Variants in MMRN2 observed in about 807,000 individuals in gnomAD.
MMRN2 encodes the protein multimerin 2.
Under a neutral mutation model 68.8 loss-of-function variants are expected in MMRN2, and 53 were observed. The observed-to-expected ratio is 0.77, with a 90% CI of 0.62 to 0.97. MMRN2 has a LOEUF of 0.97. MMRN2 is among the 50% of genes least tolerant of loss of function. The pLI is 0.00. For missense variants in MMRN2, 1,266 were observed against 1,259.5 expected (o/e 1.01, Z -0.08); for synonymous variants, 564 against 551.6 (o/e 1.02, Z -0.32).
intron 1 of MMRN2, among the ~76,000 whole-genome samples, chr10:86,951,304 G>A (rs1052243814): frequency 2.6e-5 from 4 of 152,218 alleles, no homozygotes; most frequent in Non-Finnish European, 4.4e-5. Context: ...AAGGGTACAG[G>A]TAGTAAATAT....
Position 86,942,554 on chromosome 10 carries a change from A to G in MMRN2, c.2230T>C (p.Leu744=). 6.2e-7 allele frequency: 1 copy of G among 1,613,266 alleles called. No individual in the cohort carries two copies. Among genetic ancestry groups the G allele is most frequent in the Non-Finnish European group, 8.5e-7 (1 of 1,179,922 alleles). ...TGGAAGAGCCGCTGGTGCTGCTCCAAGCTGCGCTGAGTGGCGAAGAGTGCG... is the reference window on the plus strand; with the variant it reads ...TGGAAGAGCCGCTGGTGCTGCTCCAGGCTGCGCTGAGTGGCGAAGAGTGCG... ...HNALFATQRS[L]EQHQRLFHSL... The change falls in exon 6 of 7, where the codon TTG becomes CTG. Residue 744 remains leucine (L), a synonymous_variant. Coordinates refer to ENST00000372027, the MANE Select transcript of MMRN2 (RefSeq NM_024756.3).
At chr10:86,956,282 C>G (rs1030780276) in intron 1 of MMRN2, among the ~76,000 whole-genome samples, 1 of 152,130 alleles carries the variant, frequency 6.6e-6, no homozygotes. Flanking sequence ...TGCCACCAGA[C>G]CCTCACTAAG....
chr10:86,942,732 C>A lies in MMRN2; in HGVS notation c.2052G>T (p.Ala684=). The A allele has an allele frequency of 7.0e-7, 1 of 1,424,570 alleles. No individual in the cohort carries two copies. Among genetic ancestry groups the A allele is most frequent in the Non-Finnish European group, 9.1e-7 (1 of 1,097,450 alleles). The allele number at this position is 1,424,570 out of a possible 1,614,324, so 88.2% of individuals were successfully genotyped here. Residue 684 remains alanine (A), a synonymous_variant, in exon 6 of 7, where the codon GCG becomes GCT. Coordinates refer to ENST00000372027, the MANE Select transcript of MMRN2 (RefSeq NM_024756.3). The stretch of plus-strand genomic sequence containing the variant: ...CGGTGGTGGCGGCCTCCTCGCGGCC[C>A]GCGTCGTGGCTGGGCTCCAGGTGCT... ...PAEHLEPSHD[A]GREEAATTAL... is the part of the protein sequence containing the mutation.
At chr10:86,953,329 A>G (rs1844169123) in intron 1 of MMRN2, among the ~76,000 whole-genome samples, 1 of 152,222 alleles carries the variant, frequency 6.6e-6, no homozygotes, top group African/African-American at 2.4e-5. Context: ...TATTAAAATG[A>G]AATCTTCACA....
At chr10:86,937,174 G>A (rs750584615) in intron 6 of MMRN2, 49 bp from the exon 7 acceptor site, 2 of 1,588,232 alleles carry the variant, frequency 1.3e-6, no homozygotes, top group Non-Finnish European at 1.7e-6. Context: ...TACACCATTG[G>A]GTGGGAAATT....
intron 6 of MMRN2, among the ~76,000 whole-genome samples, chr10:86,939,805 G>A (rs1843937535): frequency 1.0e-5 from 1 of 99,936 alleles, no homozygotes; most frequent in African/African-American, 4.3e-5. Flanking sequence ...GGGAAATTTG[G>A]GGTGTGTGTG....
chr10:86,939,676 C>CA (rs1491187837), intron 6 of MMRN2, among the ~76,000 whole-genome samples: 2 of 146,802 alleles, frequency 1.4e-5, no homozygotes, highest in Admixed American at 6.7e-5. Flanking sequence ...GAGACCCCCA[C>CA]CCCAACCCAG....
In MMRN2 at chr10:86,943,740, C is replaced by T. The variant is rs940121935; in HGVS notation, c.1044G>A (p.Gly348=). ...KRLHKAQEAP[G]TNGSLVLATP... ...TTGCCAACACCAGACTGCCATTGGTCCCTGGGGCCTCCTGAGCCTTGTGCA... is the reference window on the plus strand; with the variant it reads ...TTGCCAACACCAGACTGCCATTGGTTCCTGGGGCCTCCTGAGCCTTGTGCA... Residue 348 remains glycine, a synonymous_variant, in exon 6 of 7, where the codon GGG becomes GGA. Transcript: ENST00000372027. This position sits in a 1 kb window ranked among gnomAD's most constrained non-coding sequence, Gnocchi z 4.2. 1 of 1,608,348 alleles carries T rather than the reference C, an allele frequency of 6.2e-7. No homozygotes were observed. The highest frequency in any genetic ancestry group is 1.3e-5 in the African/African-American group (1 of 74,942).
intron 1 of MMRN2, chr10:86,949,550 A>C (rs1272739069): frequency 1.3e-5 from 2 of 151,594 alleles, no homozygotes; most frequent in Non-Finnish European, 2.9e-5. Context: ...AAAGACACCC[A>C]AAAACAAAAC....
intron 4 of MMRN2, 34 bp downstream of exon 4, chr10:86,945,154 C>T: frequency 1.2e-6 from 2 of 1,600,810 alleles, no homozygotes; most frequent in African/African-American, 1.3e-5. Flanking sequence ...GCCCCACCAG[C>T]CTGCCTGCCT....
chr10:86,945,692 G>A lies in MMRN2; in HGVS notation c.165-3C>T, dbSNP rs774095009. The A allele has an allele frequency of 7.4e-6, 12 of 1,613,834 alleles. No homozygotes were observed. In the Admixed American group the frequency reaches 1.8e-4, roughly 25 times the overall value. ...ACATTGGGTAGGGGCACCAGTTACT[G>A]GAAAACAAGCCAGAGGAGAAGGCTG... is the stretch of plus-strand genomic sequence containing the variant. On this transcript the variant is annotated splice_polypyrimidine_tract_variant and splice_region_variant and intron_variant, in intron 1 of 6. Transcript: ENST00000372027.
intron 1 of MMRN2, among the ~76,000 whole-genome samples, chr10:86,957,034 C>A (rs1844245505): frequency 6.6e-6 from 1 of 152,194 alleles, no homozygotes; most frequent in South Asian, 2.1e-4. Context: ...GAATTGATTT[C>A]TTTGGAAGAA....
intron 1 of MMRN2, 58 bp downstream of exon 1, chr10:86,957,320 G>C (rs1844250945): frequency 6.4e-7 from 1 of 1,571,766 alleles, no homozygotes; most frequent in Middle Eastern, 2.2e-4. Context: ...CTCTGCTCTA[G>C]CTGAGCTGGG....
intron 6 of MMRN2, among the ~76,000 whole-genome samples, chr10:86,940,560 G>A (rs1372862063): frequency 6.6e-6 from 1 of 152,226 alleles, no homozygotes; most frequent in African/African-American, 2.4e-5. Context: ...GGTAAACGCA[G>A]CAGTCTTCAT....
At chr10:86,941,446 C>T (rs571414059) in intron 6 of MMRN2, among the ~76,000 whole-genome samples, 1 of 152,120 alleles carries the variant, frequency 6.6e-6, no homozygotes, top group Admixed American at 6.5e-5. Flanking sequence ...TGGTGTCTCC[C>T]TCTCTCAAAA....
intron 6 of MMRN2, 27 bp from the exon 7 acceptor site, chr10:86,937,152 T>A: frequency 1.9e-6 from 3 of 1,607,022 alleles, no homozygotes; most frequent in Non-Finnish European, 2.6e-6. Context: ...CAGTGCTTAG[T>A]GATTCATCCC....
intron 6 of MMRN2, 89 bp downstream of exon 6, chr10:86,942,228 T>G: frequency 6.9e-7 from 1 of 1,459,594 alleles, no homozygotes; most frequent in South Asian, 1.4e-5. Context: ...CTGTTCTCTT[T>G]CTTCCTGGCC....
At chr10:86,939,251 C>G in intron 6 of MMRN2, among the ~76,000 whole-genome samples, 1 of 151,452 alleles carries the variant, frequency 6.6e-6, no homozygotes, top group African/African-American at 2.4e-5. Flanking sequence ...ATCACGAGGT[C>G]AGGAGATAGA....
chr10:86,939,839 T>TGTTTGTG (rs1843941786), intron 6 of MMRN2, among the ~76,000 whole-genome samples: 3 of 120,290 alleles, frequency 2.5e-5, no homozygotes, highest in African/African-American at 8.7e-5. Context: ...GTGTGTGTGT[T>TGTTTGTG]TGTGTGTGTG....
Sources: allele counts gnomAD v4.1 joint callset (sites outside exome capture counted in the v4.1 genomes callset), GRCh38; gene constraint gnomAD v4.1.1; non-coding constraint Gnocchi (gnomAD v3.1); transcripts MANE v1.5; gene names NCBI Gene and HGNC (gene_info 2026-07-23, HGNC 2026-07-21).